CADPS: variants seen among roughly 807,000 people sequenced by gnomAD.
CADPS encodes the protein calcium dependent secretion activator.
CADPS carries 57 observed loss-of-function variants against 167.3 expected under a neutral mutation model. The observed-to-expected ratio is 0.34, with a 90% CI of 0.28 to 0.42. The LOEUF is 0.42. Ranked by LOEUF, CADPS falls within the 20% of genes least tolerant of loss-of-function variation. CADPS has a pLI of 1.00. For missense variants in CADPS, 1,414 were observed against 1,738.1 expected, an observed-to-expected ratio of 0.81 and a Z score of 3.32; for synonymous variants, 676 against 635.3, an observed-to-expected ratio of 1.06 and a Z score of -0.96.
At chr3:62,683,432 A>G (rs867577789) in intron 3 of CADPS, among the ~76,000 whole-genome samples, 1 of 152,058 alleles carries the variant, frequency 6.6e-6, no homozygotes, top group African/African-American at 2.4e-5. Flanking sequence ...CAATTCTGTA[A>G]GAAAGGTTCT....
intron 24 of CADPS, among the ~76,000 whole-genome samples, chr3:62,470,379 T>A (rs968379031): frequency 3.9e-5 from 6 of 152,356 alleles, no homozygotes; most frequent in Admixed American, 3.9e-4. Flanking sequence ...ATAAAAACAT[T>A]GGACTTTCAT....
chr3:62,682,809 C>T (rs2367316), intron 3 of CADPS, among the ~76,000 whole-genome samples: 150,726 of 152,134 alleles, frequency 0.99, 74,683 homozygotes, highest in Middle Eastern at 1. Context: ...CCTCATGGAA[C>T]TGATAATCTA....
chr3:62,430,878 C>T (rs1208988726), intron 28 of CADPS, among the ~76,000 whole-genome samples: 3 of 152,006 alleles, frequency 2.0e-5, no homozygotes, highest in African/African-American at 7.2e-5. Context: ...ACTTAATTGC[C>T]AGAGTTTACT....
intron 6 of CADPS, among the ~76,000 whole-genome samples, chr3:62,637,203 A>G (rs1283934745): frequency 1.3e-5 from 2 of 152,184 alleles, no homozygotes; most frequent in East Asian, 3.9e-4. Flanking sequence ...TCTCTTTCAA[A>G]TTTAGGGAAA....
In CADPS at chr3:62,874,617, G is replaced by T; in HGVS notation, c.413C>A (p.Pro138His). The change falls in exon 1 of 30, where the codon CCC becomes CAC. Residue 138 changes from proline (P) to histidine (H), a missense_variant. This residue lies in a region of CADPS where 522 missense variants were observed against 559.5 expected (regional missense o/e 0.93). Coordinates refer to ENST00000383710, the MANE Select transcript of CADPS (RefSeq NM_003716.4). The surrounding 1 kb of genome is among the most constrained non-coding windows in gnomAD (Gnocchi z 7.1). ...CIAYPFNAKQ[P>H]TDMARRQQKI... ...CTGCTGCCGGCGAGCCATGTCGGTG[G>T]GCTGCTTGGCATTAAAGGGGTAGGC... is the stretch of plus-strand genomic sequence containing the variant. The T allele has an allele frequency of 6.4e-7, 1 of 1,559,088 alleles. No individual in the cohort carries two copies. Among genetic ancestry groups the T allele is most frequent in the Non-Finnish European group, 8.7e-7 (1 of 1,150,792 alleles).
chr3:62,850,873 G>T (rs1220846922), intron 1 of CADPS, among the ~76,000 whole-genome samples: 1 of 151,820 alleles, frequency 6.6e-6, no homozygotes, highest in African/African-American at 2.4e-5. Flanking sequence ...TGACAGTGGG[G>T]TGTTACAGTC....
chr3:62,538,128 TGCTGCATTAACTG>T (rs1182854826), intron 11 of CADPS, among the ~76,000 whole-genome samples: 4 of 152,154 alleles, frequency 2.6e-5, no homozygotes, highest in Non-Finnish European at 4.4e-5. Flanking sequence ...GAATCCTCCT[TGCTGCATTAACTG>T]CCTCAGATTT....
At chr3:62,666,882 C>T (rs2074521445) in intron 3 of CADPS, among the ~76,000 whole-genome samples, 1 of 152,178 alleles carries the variant, frequency 6.6e-6, no homozygotes, top group Admixed American at 6.5e-5. Context: ...GAGTTGCACC[C>T]TTGCAACCTT....
At chr3:62,793,134 G>A (rs2093093751) in intron 1 of CADPS, among the ~76,000 whole-genome samples, 1 of 152,146 alleles carries the variant, frequency 6.6e-6, no homozygotes, top group African/African-American at 2.4e-5. Flanking sequence ...TCACAAATTA[G>A]TACTACCCCT....
At chr3:62,471,619 C>T (rs1348811855) in intron 24 of CADPS, among the ~76,000 whole-genome samples, 3 of 152,014 alleles carry the variant, frequency 2.0e-5, no homozygotes, top group East Asian at 1.9e-4. Flanking sequence ...ACATGGCCGT[C>T]ATTGAATCAA....
intron 3 of CADPS, among the ~76,000 whole-genome samples, chr3:62,689,178 T>C (rs2078631690): frequency 6.6e-6 from 1 of 151,996 alleles, no homozygotes; most frequent in Admixed American, 6.5e-5. Flanking sequence ...CACTAAAGTG[T>C]TTTTCTCTAG....
At chr3:62,838,067 C>T (rs759808113) in intron 1 of CADPS, among the ~76,000 whole-genome samples, 26 of 152,192 alleles carry the variant, frequency 1.7e-4, no homozygotes, top group African/African-American at 3.1e-4. Context: ...TCCATCCATA[C>T]GCTCTTCAAG....
intron 27 of CADPS, among the ~76,000 whole-genome samples, chr3:62,441,318 A>G (rs1250793617): frequency 1.3e-5 from 2 of 152,232 alleles, no homozygotes; most frequent in African/African-American, 4.8e-5. Flanking sequence ...TGTGGAAGAC[A>G]TAATTTGTGA....
At chr3:62,754,075 G>T (rs1322594369) in intron 2 of CADPS, among the ~76,000 whole-genome samples, 1 of 152,230 alleles carries the variant, frequency 6.6e-6, no homozygotes, top group South Asian at 2.1e-4. Flanking sequence ...TGCCCGGGCT[G>T]CATAGGTTCT....
intron 2 of CADPS, among the ~76,000 whole-genome samples, chr3:62,757,953 T>C (rs1489000788): frequency 6.6e-6 from 1 of 152,182 alleles, no homozygotes; most frequent in Non-Finnish European, 1.5e-5. Context: ...GGGAAAGACC[T>C]GCTCCCATGA....
intron 21 of CADPS, among the ~76,000 whole-genome samples, chr3:62,487,252 G>A (rs1235728753): frequency 6.6e-6 from 1 of 152,218 alleles, no homozygotes; most frequent in Admixed American, 6.5e-5. Context: ...ACTAGACTTG[G>A]TAAGACTTTG....
chr3:62,874,664 A>G lies in CADPS; in HGVS notation c.366T>C (p.Tyr122=). The G allele has an allele frequency of 3.9e-6, 6 of 1,557,420 alleles. No homozygotes were observed. The highest frequency in any genetic ancestry group is 3.9e-5 in the Admixed American group (2 of 51,676). ...AGGCGATGCAGCGCATCACGAACAC[A>G]TACAGCTGCAGCCTCTTCTTCCTCT... The part of the protein sequence containing the change: ...EEERKKRLQL[Y]VFVMRCIAYP... The change falls in exon 1 of 30, where the codon TAT becomes TAC. Residue 122 remains tyrosine, a synonymous_variant. Coordinates refer to ENST00000383710, the MANE Select transcript of CADPS (RefSeq NM_003716.4). The surrounding 1 kb of genome is among the most constrained non-coding windows in gnomAD (Gnocchi z 7.1).
At chr3:62,599,941 T>C in intron 6 of CADPS, among the ~76,000 whole-genome samples, 1 of 87,782 alleles carries the variant, frequency 1.1e-5, no homozygotes, top group Non-Finnish European at 2.3e-5. Context: ...ATATAATATA[T>C]ATAATGTACG....
At chr3:62,568,964 C>T (rs918791351) in intron 9 of CADPS, among the ~76,000 whole-genome samples, 1 of 152,172 alleles carries the variant, frequency 6.6e-6, no homozygotes, top group African/African-American at 2.4e-5. Flanking sequence ...AGCTAAATAC[C>T]AGACCTGATA....
Sources: allele counts gnomAD v4.1 joint callset (sites outside exome capture counted in the v4.1 genomes callset), GRCh38; gene constraint gnomAD v4.1.1; regional missense constraint gnomAD v4.1.1; non-coding constraint Gnocchi (gnomAD v3.1); transcripts MANE v1.5; gene names NCBI Gene and HGNC (gene_info 2026-07-23, HGNC 2026-07-21).